ADGRE2: variants seen among roughly 807,000 people sequenced by gnomAD.
ADGRE2 encodes adhesion G protein-coupled receptor E2, also known as CD97 antigen.
In ADGRE2, 83 loss-of-function variants were observed where a neutral mutation model predicts 100.8. That is an observed-to-expected ratio of 0.82 (90% CI 0.69 to 0.99). The LOEUF is 0.99. Ranked by LOEUF, ADGRE2 falls within the 50% of genes least tolerant of loss-of-function variation. The probability of loss-of-function intolerance (pLI) is 0.00; values close to 1 mark genes in which losing one functional copy is unlikely to be tolerated. For synonymous variants in ADGRE2, 355 were observed against 413.0 expected, an observed-to-expected ratio of 0.86 and a Z score of 1.70; for missense variants, 814 against 1,035.7, an observed-to-expected ratio of 0.79 and a Z score of 2.94.
intron 14 of ADGRE2, among the ~76,000 whole-genome samples, chr19:14,753,192 G>T (rs2043357077): frequency 6.6e-6 from 1 of 151,980 alleles, no homozygotes. Context: ...CCAGGTGTGG[G>T]CCCGTTAGGT....
At chr19:14,771,001 C>G (rs888911706) in intron 5 of ADGRE2, among the ~76,000 whole-genome samples, 4 of 152,050 alleles carry the variant, frequency 2.6e-5, no homozygotes, top group African/African-American at 9.7e-5. Context: ...TTTTCTAATT[C>G]ACAGGAAGGC....
At chr19:14,744,961 C>A (rs1297650232) in intron 18 of ADGRE2, among the ~76,000 whole-genome samples, 1 of 152,052 alleles carries the variant, frequency 6.6e-6, no homozygotes, top group African/African-American at 2.4e-5. Context: ...GCAATCTCGG[C>A]TCACTGCAAC....
At chr19:14,738,917 G>A (rs1381874743) in intron 20 of ADGRE2, among the ~76,000 whole-genome samples, 3 of 151,766 alleles carry the variant, frequency 2.0e-5, no homozygotes, top group Non-Finnish European at 2.9e-5. Flanking sequence ...AGAAAGCCAT[G>A]GCAGAGACTG....
rs1231275340 is a variant in ADGRE2, at chr19:14,746,269, A to G, written c.2146T>C (p.Ser716Pro). The G allele has an allele frequency of 6.2e-6, 10 of 1,610,456 alleles. No homozygotes were observed. The highest frequency in any genetic ancestry group is 7.6e-6 in the Non-Finnish European group (9 of 1,177,146). ...AGGGTGGACACTTCACTATTGAGGG[A>G]GGAGAGTCTGTTTTTCAAAATCCAG... Reference protein sequence around the residue: ...TLWILKNRLSSLNSEVSTLRN... With the variant: ...TLWILKNRLSPLNSEVSTLRN... Residue 716 changes from serine to proline, a missense_variant, in exon 18 of 21, where the codon TCC becomes CCC. Physicochemically the swap from Ser to Pro is moderately conservative, Grantham distance 74. Transcript: ENST00000315576.
chr19:14,746,926 G>A lies in ADGRE2; in HGVS notation c.2061C>T (p.Gly687=), dbSNP rs748439255. The A allele has an allele frequency of 2.5e-6, 4 of 1,613,604 alleles. No individual in the cohort carries two copies. In the African/African-American group the frequency reaches 5.3e-5, roughly 22 times the overall value. Residue 687 remains glycine, a synonymous_variant, in exon 17 of 21, where the codon GGC becomes GGT. Coordinates refer to ENST00000315576, the MANE Select transcript of ADGRE2 (RefSeq NM_013447.4). ...WLQPEKGFIW[G]FLGPVCAIFS... Reference sequence around the variant, plus strand: ...AGATGGCGCAGACAGGTCCAAGGAAGCCCCATATAAATCCCTTTTCTGGTT... The same window carrying A: ...AGATGGCGCAGACAGGTCCAAGGAAACCCCATATAAATCCCTTTTCTGGTT...
intron 2 of ADGRE2, among the ~76,000 whole-genome samples, chr19:14,775,994 G>C (rs954156546): frequency 6.6e-6 from 1 of 152,040 alleles, no homozygotes; most frequent in Non-Finnish European, 1.5e-5. Context: ...CTGAAACCCA[G>C]TGGTGATATT....
intron 20 of ADGRE2, among the ~76,000 whole-genome samples, chr19:14,739,585 A>C (rs2042865092): frequency 6.6e-6 from 1 of 152,228 alleles, no homozygotes; most frequent in South Asian, 2.1e-4. Flanking sequence ...TACAATAGGT[A>C]AACCCAAACT....
rs377330707 is a variant in ADGRE2 at position 14,752,481 on chromosome 19, C to T, written c.1636G>A (p.Val546Ile). The change falls in exon 15 of 21, where the codon GTC becomes ATC. Residue 546 changes from valine (V) to isoleucine (I), a missense_variant. Val to Ile is a conservative substitution (Grantham distance 29). This residue lies in a region of ADGRE2 where 569 missense variants were observed against 692.7 expected (regional missense o/e 0.82). Coordinates refer to ENST00000315576, the MANE Select transcript of ADGRE2 (RefSeq NM_013447.4). Reference sequence around the variant, plus strand: ...GCCAGGAGGAGGCACAGCAGAGAGACGCTCAGCCCCATGTAGGTGATGACA... The same window carrying T: ...GCCAGGAGGAGGCACAGCAGAGAGATGCTCAGCCCCATGTAGGTGATGACA... ...LTVITYMGLS[V>I]SLLCLLLAAL... The T allele has an allele frequency of 3.3e-5, 53 of 1,614,028 alleles. No homozygotes were observed. Among genetic ancestry groups the T allele is most frequent in the East Asian group, 1.8e-4 (8 of 44,898 alleles).
At chr19:14,773,104 A>G (rs1490218835) in intron 4 of ADGRE2, among the ~76,000 whole-genome samples, 3 of 149,590 alleles carry the variant, frequency 2.0e-5, no homozygotes, top group African/African-American at 2.5e-5. Flanking sequence ...AAAAACAAAA[A>G]AAAAAAGAAA....
downstream of ADGRE2, among the ~76,000 whole-genome samples, chr19:14,727,659 G>T (rs889489535): frequency 6.6e-6 from 1 of 152,196 alleles, no homozygotes; most frequent in South Asian, 2.1e-4. Flanking sequence ...TTCAGTGTGA[G>T]ATTTGGAGGG....
rs1309331658 is a variant in ADGRE2, at chr19:14,774,111, G to A, written c.83-57C>T. On this transcript the variant is annotated intron_variant, in intron 3 of 20. Coordinates refer to ENST00000315576, the MANE Select transcript of ADGRE2 (RefSeq NM_013447.4). ...AGGGGTAAGGGAATACACAAAAAGG[G>A]GGCACTGGGGGAGATGGGGCAGAGC... The A allele has an allele frequency of 2.0e-6, 3 of 1,537,494 alleles. No individual in the cohort carries two copies. The African/African-American group carries it at 4.1e-5, about 21-fold the overall frequency.
At chr19:14,727,557 C>T (rs992951720), downstream of ADGRE2, among the ~76,000 whole-genome samples, 1 of 152,054 alleles carries the variant, frequency 6.6e-6, no homozygotes, top group Non-Finnish European at 1.5e-5. Flanking sequence ...AACTGACTTA[C>T]AGCAAAGGGA....
rs776325653 is a variant in ADGRE2, at chr19:14,736,225, A to C, written c.*11T>G. The C allele has an allele frequency of 7.4e-5, 117 of 1,584,376 alleles. No individual in the cohort carries two copies. The highest frequency in any genetic ancestry group is 1.0e-4 in the Non-Finnish European group (115 of 1,153,890). On this transcript the variant is annotated 3_prime_UTR_variant, in exon 21 of 21. Coordinates refer to ENST00000315576, the MANE Select transcript of ADGRE2 (RefSeq NM_013447.4). ...CGGGCAAAGAGGGAAGATCTTATTC[A>C]GAAGATTTTTCTAGTTAACCTGAAA...
Position 14,748,102 on chromosome 19 carries a change from G to A in ADGRE2, c.2025-1140C>T, listed in dbSNP as rs559820366. Among the ~76,000 whole-genome samples, 133 of 152,112 alleles carry A rather than the reference G, an allele frequency of 8.7e-4. 2 individuals carry two copies. The highest frequency in any genetic ancestry group is 7.5e-3 in the Admixed American group (114 of 15,244). ...CTGGTCATCAGCACAGTACTCTATA[G>A]GTCGTTTATTTATCCTCGCCCTCCT... On this transcript the variant is annotated intron_variant, in intron 16 of 20. Transcript: ENST00000315576.
chr19:14,724,491 C>T, the ADGRE2 span, among the ~76,000 whole-genome samples: 23 of 152,192 alleles, frequency 1.5e-4, no homozygotes, highest in African/African-American at 4.6e-4. Context: ...TTAAGCCGGG[C>T]GCAGTGGCTC....
At chr19:14,757,822 G>C (rs908022280) in intron 11 of ADGRE2, among the ~76,000 whole-genome samples, 1 of 151,912 alleles carries the variant, frequency 6.6e-6, no homozygotes, top group African/African-American at 2.4e-5. Context: ...TTTTATTTTT[G>C]GGACAGAGTC....
intron 5 of ADGRE2, among the ~76,000 whole-genome samples, chr19:14,771,657 T>TTTATTTAG (rs374066484): frequency 2.8e-4 from 43 of 151,690 alleles, no homozygotes; most frequent in African/African-American, 9.9e-4. Context: ...TATTTATTTA[T>TTTATTTAG]TTTAGATGGA....
intron 20 of ADGRE2, chr19:14,741,966 T>C: frequency 2.5e-6 from 1 of 398,614 alleles, no homozygotes; most frequent in Non-Finnish European, 4.4e-6. Context: ...AATTATCCCA[T>C]GCCATTGAGG....
Position 14,778,350 on chromosome 19 carries a change from G to A in ADGRE2, c.-265C>T, listed in dbSNP as rs531639967. 29 of 228,862 alleles carry A rather than the reference G, an allele frequency of 1.3e-4. No homozygotes were observed. The highest frequency in any genetic ancestry group is 5.3e-4 in the African/African-American group (23 of 43,080). The allele number at this position is 228,862 out of a possible 1,614,324, so 14.2% of individuals were successfully genotyped here. A position where few individuals can be genotyped will look rare whatever the true frequency, so the allele number is the denominator to read the frequency against. ...CCCGAGCTGGGGAGTTTGAGGCTGC[G>A]GTGAGCTAAGATGGTGCCACTGCAC... On this transcript the variant is annotated 5_prime_UTR_variant, in exon 1 of 21. Transcript: ENST00000315576.
Sources: gnomAD v4.1 joint callset for allele counts (sites outside exome capture counted in the v4.1 genomes callset) on GRCh38, gnomAD v4.1.1 for gene constraint, gnomAD v4.1.1 regional missense constraint, MANE v1.5 for transcripts, NCBI Gene and HGNC (gene_info 2026-07-23, HGNC 2026-07-21) for gene names.